The following FGF14 variants were observed in gnomAD, a reference collection of about 807,000 sequenced individuals.
FGF14 encodes fibroblast growth factor 14, also known as fibroblast growth factor homologous factor 4.
FGF14 carries 5 observed loss-of-function variants against 25.5 expected under a neutral mutation model. The observed-to-expected ratio is 0.20, with a 90% confidence interval of 0.10 to 0.41. The LOEUF is 0.41. Ranked by LOEUF, FGF14 falls within the 10% of genes least tolerant of loss-of-function variation. The pLI is 1.00. For missense variants in FGF14, 222 were observed against 320.1 expected, an observed-to-expected ratio of 0.69 and a Z score of 2.34; for synonymous variants, 138 against 118.3, an observed-to-expected ratio of 1.17 and a Z score of -1.08.
intron 3 of FGF14, among the ~76,000 whole-genome samples, chr13:101,761,174 T>G (rs1413467308): frequency 6.6e-6 from 1 of 152,244 alleles, no homozygotes; most frequent in African/African-American, 2.4e-5. Context: ...TGTGATTCTA[T>G]GTAGTTTACA....
chr13:102,118,392 A>AACTTG (rs2045569476), intron 1 of FGF14, among the ~76,000 whole-genome samples: 1 of 36,122 alleles, frequency 2.8e-5, no homozygotes, highest in African/African-American at 2.6e-4. Context: ...AAACTTTGAC[A>AACTTG]ACGGACCAAG....
intron 1 of FGF14, among the ~76,000 whole-genome samples, chr13:102,060,740 G>A (rs2042649095): frequency 6.6e-6 from 1 of 152,134 alleles, no homozygotes; most frequent in Non-Finnish European, 1.5e-5. Context: ...TAAGGGCAGG[G>A]TCCCTGGCGA....
At chr13:101,931,653 G>C (rs555986504) in intron 1 of FGF14, among the ~76,000 whole-genome samples, 1 of 152,328 alleles carries the variant, frequency 6.6e-6, no homozygotes, top group South Asian at 2.1e-4. Context: ...ATGAACAGCT[G>C]TTAAGAGTAA....
intron 1 of FGF14, among the ~76,000 whole-genome samples, chr13:101,929,277 C>T (rs1015126154): frequency 1.3e-5 from 2 of 152,106 alleles, no homozygotes; most frequent in East Asian, 3.8e-4. Context: ...AACAGTAACA[C>T]CTGGAGCTGA....
intron 3 of FGF14, among the ~76,000 whole-genome samples, chr13:101,832,585 T>G (rs2042727985): frequency 6.6e-6 from 1 of 151,940 alleles, no homozygotes; most frequent in Non-Finnish European, 1.5e-5. Flanking sequence ...GTTGGCATTT[T>G]CAACCCCAAG....
intron 3 of FGF14, among the ~76,000 whole-genome samples, chr13:101,737,852 T>C (rs1212891575): frequency 6.6e-6 from 1 of 152,192 alleles, no homozygotes; most frequent in Non-Finnish European, 1.5e-5. Context: ...ATATTAAGCA[T>C]ATGTGTTGTA....
chr13:102,016,475 C>A (rs1466695952), intron 1 of FGF14, among the ~76,000 whole-genome samples: 1 of 151,970 alleles, frequency 6.6e-6, no homozygotes, highest in African/African-American at 2.4e-5. Flanking sequence ...TATTGTTGAA[C>A]CAGAATTAAT....
chr13:102,062,039 T>G (rs980902530), intron 1 of FGF14, among the ~76,000 whole-genome samples: 1 of 152,170 alleles, frequency 6.6e-6, no homozygotes, highest in Non-Finnish European at 1.5e-5. Flanking sequence ...TTTGCTTCAC[T>G]CCACAAGGTT....
At chr13:102,377,052 G>A (rs2058057112) in intron 1 of FGF14, among the ~76,000 whole-genome samples, 1 of 151,802 alleles carries the variant, frequency 6.6e-6, no homozygotes, top group Non-Finnish European at 1.5e-5. Context: ...CTTGAAAAAG[G>A]CAAATTCAAG....
intron 1 of FGF14, among the ~76,000 whole-genome samples, chr13:102,229,121 A>G (rs1312063342): frequency 2.0e-5 from 3 of 152,154 alleles, no homozygotes; most frequent in Admixed American, 2.0e-4. Flanking sequence ...CACGTAGAAG[A>G]CCTAGAAGGA....
chr13:102,290,110 A>T (rs182456675), intron 1 of FGF14, among the ~76,000 whole-genome samples: 2 of 152,316 alleles, frequency 1.3e-5, no homozygotes, highest in Non-Finnish European at 2.9e-5. Flanking sequence ...GAACTGAATG[A>T]TTATGTCCCT....
intron 3 of FGF14, among the ~76,000 whole-genome samples, chr13:101,829,351 A>G (rs529984378): frequency 6.6e-6 from 1 of 152,200 alleles, no homozygotes; most frequent in South Asian, 2.1e-4. Context: ...GTTTCTCCTG[A>G]GTTTAATTTA....
intron 1 of FGF14, among the ~76,000 whole-genome samples, chr13:101,983,866 C>T (rs572985039): frequency 6.6e-6 from 1 of 152,266 alleles, no homozygotes; most frequent in South Asian, 2.1e-4. Flanking sequence ...ATAGAACTGC[C>T]TTACTAGCTG....
intron 1 of FGF14, among the ~76,000 whole-genome samples, chr13:102,121,954 A>G (rs1207979776): frequency 6.6e-6 from 1 of 152,236 alleles, no homozygotes; most frequent in Non-Finnish European, 1.5e-5. Flanking sequence ...TTATTCTGGC[A>G]TTTAAAAGTT....
chr13:102,097,459 T>C (rs895970795), intron 1 of FGF14, among the ~76,000 whole-genome samples: 12 of 152,200 alleles, frequency 7.9e-5, no homozygotes, highest in Admixed American at 2.0e-4. Flanking sequence ...TTGATCACAG[T>C]AACAAATCAG....
intron 3 of FGF14, among the ~76,000 whole-genome samples, chr13:101,741,475 C>G (rs745892257): frequency 6.6e-6 from 1 of 152,088 alleles, no homozygotes; most frequent in Non-Finnish European, 1.5e-5. Flanking sequence ...ATCCATTAAA[C>G]ATCAGTAAAA....
chr13:102,392,059 G>C (rs978151553), intron 1 of FGF14, among the ~76,000 whole-genome samples: 2 of 152,200 alleles, frequency 1.3e-5, no homozygotes, highest in Admixed American at 6.5e-5. Context: ...GGAAAGAACA[G>C]ATATTACAAT....
At chr13:101,957,062 G>A (rs2036561303) in intron 1 of FGF14, among the ~76,000 whole-genome samples, 1 of 152,146 alleles carries the variant, frequency 6.6e-6, no homozygotes. Context: ...CTTCATGAAT[G>A]CAGATGCTTT....
chr13:102,266,752 T>C (rs1817529721), intron 1 of FGF14, among the ~76,000 whole-genome samples: 1 of 152,114 alleles, frequency 6.6e-6, no homozygotes, highest in Non-Finnish European at 1.5e-5. Context: ...AATATCAGTA[T>C]AGTCATTTTT....
Sources: allele counts gnomAD v4.1 joint callset (sites outside exome capture counted in the v4.1 genomes callset), GRCh38; gene constraint gnomAD v4.1.1; transcripts MANE v1.5; gene names NCBI Gene and HGNC (gene_info 2026-07-23, HGNC 2026-07-21).